The following CSMD1 variants were observed in gnomAD, a reference collection of about 807,000 sequenced individuals.
CSMD1 encodes the protein CUB and sushi domain-containing protein 1.
A neutral mutation model predicts 417.5 loss-of-function variants in CSMD1; 213 were observed. The observed-to-expected ratio is 0.51, with a 90% confidence interval of 0.46 to 0.57. CSMD1 has a LOEUF of 0.57. CSMD1 is among the 20% of genes least tolerant of loss of function. The pLI, the probability that CSMD1 is intolerant of heterozygous loss-of-function variation, is 0.00. For synonymous variants in CSMD1, 2,862 were observed against 1,736.8 expected, an observed-to-expected ratio of 1.65 and a Z score of -16.11; for missense variants, 6,923 against 4,529.7, an observed-to-expected ratio of 1.53 and a Z score of -15.17.
At chr8:4,719,545 C>G (rs1162347018) in intron 1 of CSMD1, among the ~76,000 whole-genome samples, 1 of 123,384 alleles carries the variant, frequency 8.1e-6, no homozygotes, top group Non-Finnish European at 1.6e-5. Context: ...ATCTTCACAA[C>G]AAACTTATTT....
intron 3 of CSMD1, among the ~76,000 whole-genome samples, chr8:4,317,675 T>C (rs1220622151): frequency 1.3e-5 from 2 of 152,072 alleles, no homozygotes; most frequent in East Asian, 1.9e-4. Flanking sequence ...AAATCAATAG[T>C]TCTTTATAGA....
chr8:3,955,310 G>A (rs551035527), intron 5 of CSMD1, among the ~76,000 whole-genome samples: 1 of 152,312 alleles, frequency 6.6e-6, no homozygotes, highest in South Asian at 2.1e-4. Flanking sequence ...CACATCCAGT[G>A]TGTTCTTGGT....
intron 41 of CSMD1, among the ~76,000 whole-genome samples, chr8:3,135,139 C>T (rs1352988781): frequency 1.3e-5 from 2 of 152,162 alleles, no homozygotes; most frequent in Non-Finnish European, 2.9e-5. Flanking sequence ...TGGTCTTGAA[C>T]TCCTGGCCTT....
At chr8:3,771,143 A>T (rs1798549197) in intron 5 of CSMD1, among the ~76,000 whole-genome samples, 1 of 152,022 alleles carries the variant, frequency 6.6e-6, no homozygotes, top group Admixed American at 6.6e-5. Flanking sequence ...AAAATAAAAC[A>T]TTTCAACACA....
At chr8:3,668,097 T>G (rs1270084628) in intron 7 of CSMD1, among the ~76,000 whole-genome samples, 1 of 152,116 alleles carries the variant, frequency 6.6e-6, no homozygotes, top group Admixed American at 6.5e-5. Flanking sequence ...ACCCCTGGGC[T>G]AGAAGGCAAT....
intron 5 of CSMD1, among the ~76,000 whole-genome samples, chr8:3,933,942 A>C (rs973915619): frequency 6.6e-6 from 1 of 152,138 alleles, no homozygotes; most frequent in African/African-American, 2.4e-5. Flanking sequence ...AAAACCAGCC[A>C]GGGACCTAGG....
chr8:4,870,368 C>G (rs1187275358), intron 1 of CSMD1, among the ~76,000 whole-genome samples: 3 of 152,062 alleles, frequency 2.0e-5, no homozygotes, highest in African/African-American at 7.3e-5. Context: ...TTTATTTCAC[C>G]TAACAAGAGT....
chr8:3,519,064 CAG>C (rs1411833868), intron 10 of CSMD1, among the ~76,000 whole-genome samples: 1 of 152,116 alleles, frequency 6.6e-6, no homozygotes, highest in Non-Finnish European at 1.5e-5. Flanking sequence ...CTCTTAAAAC[CAG>C]AGTTAAGGAA....
intron 50 of CSMD1, 81 bp downstream of exon 50, chr8:3,052,381 C>G: frequency 4.7e-6 from 5 of 1,070,080 alleles, no homozygotes; most frequent in Admixed American, 2.7e-5. Context: ...GACCTCTGAA[C>G]GTGGGAACCC....
chr8:4,943,883 C>T (rs896817978), intron 1 of CSMD1, among the ~76,000 whole-genome samples: 1 of 152,078 alleles, frequency 6.6e-6, no homozygotes, highest in Admixed American at 6.6e-5. Context: ...GAGCCCAAAA[C>T]GCTTAAAGGT....
intron 3 of CSMD1, among the ~76,000 whole-genome samples, chr8:4,204,952 A>C (rs1263321329): frequency 1.3e-5 from 2 of 152,284 alleles, no homozygotes; most frequent in African/African-American, 4.8e-5. Context: ...GAGCCACTGA[A>C]TCTGGCCTAT....
At chr8:3,333,566 G>A (rs1585014011) in intron 23 of CSMD1, among the ~76,000 whole-genome samples, 1 of 152,290 alleles carries the variant, frequency 6.6e-6, no homozygotes, top group East Asian at 1.9e-4. Flanking sequence ...ATACTGCAAT[G>A]CCAGGAGTAG....
intron 5 of CSMD1, among the ~76,000 whole-genome samples, chr8:3,939,851 G>A (rs759409431): frequency 6.6e-6 from 1 of 152,038 alleles, no homozygotes; most frequent in Non-Finnish European, 1.5e-5. Flanking sequence ...AATGGACATT[G>A]GGTATTGGGA....
chr8:4,782,571 G>C (rs969082375), intron 1 of CSMD1, among the ~76,000 whole-genome samples: 1 of 152,064 alleles, frequency 6.6e-6, no homozygotes, highest in East Asian at 1.9e-4. Flanking sequence ...ACTGAGCTTA[G>C]AAACACCTAC....
chr8:3,736,931 G>A (rs1348070383), intron 6 of CSMD1, among the ~76,000 whole-genome samples: 1 of 152,128 alleles, frequency 6.6e-6, no homozygotes, highest in African/African-American at 2.4e-5. Flanking sequence ...GAAGCATTCT[G>A]GGTAAGGTTT....
At chr8:3,191,087 A>C (rs146843738) in intron 33 of CSMD1, among the ~76,000 whole-genome samples, 1 of 152,270 alleles carries the variant, frequency 6.6e-6, no homozygotes, top group African/African-American at 2.4e-5. Flanking sequence ...GATTTTTCTA[A>C]TGAGAACACC....
chr8:4,233,186 T>G (rs1801847197), intron 3 of CSMD1, among the ~76,000 whole-genome samples: 1 of 152,238 alleles, frequency 6.6e-6, no homozygotes, highest in Non-Finnish European at 1.5e-5. Context: ...ACATTCATAT[T>G]GAAAACATAT....
At chr8:4,841,769 G>A (rs1291573186) in intron 1 of CSMD1, among the ~76,000 whole-genome samples, 1 of 151,674 alleles carries the variant, frequency 6.6e-6, no homozygotes, top group Admixed American at 6.6e-5. Context: ...AAATTAGCTG[G>A]GCGTGGTGGC....
At chr8:3,544,075 G>C (rs570300668) in intron 10 of CSMD1, among the ~76,000 whole-genome samples, 6 of 152,238 alleles carry the variant, frequency 3.9e-5, no homozygotes, top group South Asian at 2.1e-4. Flanking sequence ...CAAGGTGTGA[G>C]AGGTGTTTGA....
Sources: allele counts gnomAD v4.1 joint callset (sites outside exome capture counted in the v4.1 genomes callset), GRCh38; gene constraint gnomAD v4.1.1; transcripts MANE v1.5; gene names NCBI Gene and HGNC (gene_info 2026-07-23, HGNC 2026-07-21).